Variants in PRKCE observed in about 807,000 individuals in gnomAD.
PRKCE encodes protein kinase C epsilon.
A neutral mutation model predicts 85.4 loss-of-function variants in PRKCE; 16 were observed. The ratio of observed to expected loss-of-function variants is 0.19; its 90% CI spans 0.13 to 0.28. The LOEUF is 0.28. Ranked by LOEUF, PRKCE falls within the 10% of genes least tolerant of loss-of-function variation. The pLI, the probability that PRKCE is intolerant of heterozygous loss-of-function variation, is 1.00. For synonymous variants in PRKCE, 388 were observed against 371.5 expected, an observed-to-expected ratio of 1.04 and a Z score of -0.51; for missense variants, 573 against 975.2, an observed-to-expected ratio of 0.59 and a Z score of 5.49.
At chr2:45,781,993 G>T (rs527977746) in intron 1 of PRKCE, among the ~76,000 whole-genome samples, 2 of 152,232 alleles carry the variant, frequency 1.3e-5, no homozygotes, top group African/African-American at 4.8e-5. Context: ...ATAAATGGAG[G>T]TGAGGTTTGA....
intron 10 of PRKCE, among the ~76,000 whole-genome samples, chr2:46,058,328 C>T (rs572572071): frequency 6.6e-6 from 1 of 152,210 alleles, no homozygotes; most frequent in South Asian, 2.1e-4. Flanking sequence ...CATCCAGCCT[C>T]TGGAAAGCTG....
At chr2:45,824,690 C>T (rs1214379015) in intron 1 of PRKCE, among the ~76,000 whole-genome samples, 2 of 152,050 alleles carry the variant, frequency 1.3e-5, no homozygotes, top group African/African-American at 4.8e-5. Context: ...ATAATGGACC[C>T]TCATGCCTCT....
intron 1 of PRKCE, among the ~76,000 whole-genome samples, chr2:45,680,092 G>A (rs1360872648): frequency 1.3e-5 from 2 of 152,252 alleles, no homozygotes; most frequent in African/African-American, 4.8e-5. Context: ...GGGATAAAGA[G>A]TGAGGGTACA....
chr2:46,171,551 G>T (rs1449107940), intron 14 of PRKCE, among the ~76,000 whole-genome samples: 2 of 152,176 alleles, frequency 1.3e-5, no homozygotes, highest in South Asian at 2.1e-4. Flanking sequence ...CAGCCTCGGG[G>T]TCAGAACAAG....
intron 2 of PRKCE, among the ~76,000 whole-genome samples, chr2:45,951,565 C>T (rs1438881305): frequency 6.6e-6 from 1 of 152,232 alleles, no homozygotes; most frequent in Non-Finnish European, 1.5e-5. Flanking sequence ...ACGTGCTCTG[C>T]TTCCTCTAGG....
intron 11 of PRKCE, among the ~76,000 whole-genome samples, chr2:46,108,648 A>T (rs1234914375): frequency 6.6e-6 from 1 of 152,186 alleles, no homozygotes; most frequent in Admixed American, 6.5e-5. Flanking sequence ...CCCCATGCAT[A>T]TCTACAAATA....
At chr2:45,850,575 ATTAC>A (rs2105550122) in intron 2 of PRKCE, among the ~76,000 whole-genome samples, 1 of 152,308 alleles carries the variant, frequency 6.6e-6, no homozygotes, top group South Asian at 2.1e-4. Flanking sequence ...TTCAGGACCT[ATTAC>A]TTTATTCTTT....
At chr2:45,880,949 C>T (rs56382617) in intron 2 of PRKCE, among the ~76,000 whole-genome samples, 9,470 of 151,950 alleles carry the variant, frequency 0.062, 428 homozygotes, top group Non-Finnish European at 0.093. Context: ...GTCAGGAGAT[C>T]GAGACCATCC....
chr2:45,750,625 T>C (rs1451913384), intron 1 of PRKCE, among the ~76,000 whole-genome samples: 1 of 152,206 alleles, frequency 6.6e-6, no homozygotes, highest in African/African-American at 2.4e-5. Context: ...ACTTCCTTGT[T>C]TTTGAACTTG....
intron 10 of PRKCE, among the ~76,000 whole-genome samples, chr2:46,076,482 G>T (rs975251889): frequency 1.3e-5 from 2 of 152,174 alleles, no homozygotes; most frequent in Non-Finnish European, 2.9e-5. Flanking sequence ...TTAGAGGCAG[G>T]AAATGTTTAT....
chr2:45,756,966 T>A (rs142667460), intron 1 of PRKCE, among the ~76,000 whole-genome samples: 1 of 152,250 alleles, frequency 6.6e-6, no homozygotes, highest in Non-Finnish European at 1.5e-5. Context: ...TTAAAGAGTG[T>A]TCAGCTGGGC....
At chr2:45,667,494 A>G (rs1440837649) in intron 1 of PRKCE, among the ~76,000 whole-genome samples, 2 of 152,162 alleles carry the variant, frequency 1.3e-5, no homozygotes, top group East Asian at 3.9e-4. Flanking sequence ...GATCTAAATA[A>G]TAGACTTCCT....
intron 1 of PRKCE, among the ~76,000 whole-genome samples, chr2:45,802,040 A>AGGAGT (rs1453464936): frequency 6.6e-6 from 1 of 151,730 alleles, no homozygotes; most frequent in Non-Finnish European, 1.5e-5. Context: ...ACTTGAGACC[A>AGGAGT]GGAGTTCAAG....
At chr2:46,016,406 G>A (rs1267455218) in intron 10 of PRKCE, among the ~76,000 whole-genome samples, 1 of 152,068 alleles carries the variant, frequency 6.6e-6, no homozygotes, top group South Asian at 2.1e-4. Flanking sequence ...ATCAAGCAAG[G>A]CTTCATGGAG....
intron 2 of PRKCE, among the ~76,000 whole-genome samples, chr2:45,897,938 A>G (rs781543136): frequency 6.6e-6 from 1 of 152,156 alleles, no homozygotes; most frequent in African/African-American, 2.4e-5. Context: ...GATTTGCCCA[A>G]CCTCTGGTGT....
intron 10 of PRKCE, among the ~76,000 whole-genome samples, chr2:46,042,123 A>G (rs904931975): frequency 6.6e-6 from 1 of 152,210 alleles, no homozygotes; most frequent in African/African-American, 2.4e-5. Flanking sequence ...GGTTAATGTG[A>G]AAAGGAAAAG....
intron 14 of PRKCE, among the ~76,000 whole-genome samples, chr2:46,182,251 C>G (rs1456503834): frequency 6.6e-6 from 1 of 152,178 alleles, no homozygotes; most frequent in Non-Finnish European, 1.5e-5. Context: ...CCTCCCCAGT[C>G]AGTGAATCCC....
intron 14 of PRKCE, among the ~76,000 whole-genome samples, chr2:46,169,024 C>T (rs1678624504): frequency 6.6e-6 from 1 of 152,210 alleles, no homozygotes; most frequent in Non-Finnish European, 1.5e-5. Context: ...AACCCTCCCT[C>T]ACAGAGGGGC....
At chr2:45,744,933 C>A (rs768222108) in intron 1 of PRKCE, among the ~76,000 whole-genome samples, 2 of 152,172 alleles carry the variant, frequency 1.3e-5, no homozygotes, top group African/African-American at 4.8e-5. Flanking sequence ...TCAATCCTGG[C>A]GATTCTGATT....
Sources: gnomAD v4.1 joint callset for allele counts (sites outside exome capture counted in the v4.1 genomes callset) on GRCh38, gnomAD v4.1.1 for gene constraint, MANE v1.5 for transcripts, NCBI Gene and HGNC (gene_info 2026-07-23, HGNC 2026-07-21) for gene names.